The following KRABD3 variants were observed in gnomAD, a reference collection of about 807,000 sequenced individuals.
KRABD3 encodes KRAB domain containing 3.
the KRABD3 span, chr7:149,715,267 T>G: frequency 8.2e-7 from 1 of 1,220,700 alleles, no homozygotes; most frequent in Non-Finnish European, 1.0e-6. Context: ...CACGGCCCAG[T>G]CTCCACCTGG....
chr7:149,728,501 T>C, the KRABD3 span: 1 of 1,611,310 alleles, frequency 6.2e-7, no homozygotes, highest in Non-Finnish European at 8.5e-7. Flanking sequence ...CCCCCTCATC[T>C]GTGAATGTTT....
the KRABD3 span, chr7:149,720,823 G>T: frequency 3.2e-6 from 5 of 1,574,158 alleles, no homozygotes; most frequent in African/African-American, 1.3e-5. Context: ...GGTCACTGTG[G>T]CCTCTCTGCA....
chr7:149,715,067 G>C, the KRABD3 span: 1 of 1,230,570 alleles, frequency 8.1e-7, no homozygotes, highest in East Asian at 3.2e-5. Context: ...GGCGCGCCAG[G>C]TAAGGCAGGC....
At chr7:149,725,257 T>C in the KRABD3 span, 59 of 1,483,782 alleles carry the variant, frequency 4.0e-5, no homozygotes, top group Non-Finnish European at 5.1e-5. Flanking sequence ...GCCAGGGGTC[T>C]GATGGGCAAG....
chr7:149,724,846 C>T, the KRABD3 span: 3 of 1,574,316 alleles, frequency 1.9e-6, no homozygotes, highest in East Asian at 2.3e-5. Context: ...CCCTGAGGCT[C>T]AAGGTGAGGC....
chr7:149,731,483 C>CCA, the KRABD3 span, among the ~76,000 whole-genome samples: 17 of 152,202 alleles, frequency 1.1e-4, no homozygotes, highest in Non-Finnish European at 2.1e-4. Context: ...GGCAGGAACA[C>CCA]CACACACACA....
chr7:149,729,391 G>A, the KRABD3 span: 21 of 1,417,764 alleles, frequency 1.5e-5, no homozygotes, highest in Admixed American at 2.8e-5. Context: ...ACCTGCCCTC[G>A]GTACTGACAG....
the KRABD3 span, chr7:149,733,728 G>A: frequency 6.3e-7 from 1 of 1,582,170 alleles, no homozygotes; most frequent in Non-Finnish European, 8.6e-7. Context: ...GAACCTCCTG[G>A]GCTCCACTGC....
At chr7:149,719,772 G>A in the KRABD3 span, 1 of 1,400,530 alleles carries the variant, frequency 7.1e-7, no homozygotes, top group South Asian at 1.4e-5. The surrounding 1 kb of genome is among the most constrained non-coding windows in gnomAD (Gnocchi z 5.6). Context: ...TTCCACCTGA[G>A]AAATGAACAC....
the KRABD3 span, chr7:149,733,526 C>T: frequency 1.9e-6 from 3 of 1,595,108 alleles, no homozygotes; most frequent in Non-Finnish European, 2.6e-6. Flanking sequence ...GTGGACCCTC[C>T]CACGGGGACC....
the KRABD3 span, chr7:149,730,691 G>GAT: frequency 7.9e-7 from 1 of 1,263,626 alleles, no homozygotes; most frequent in Non-Finnish European, 1.1e-6. Flanking sequence ...CTGCACATTG[G>GAT]CCGTGCTTTA....
chr7:149,714,993 C>G, the KRABD3 span: 1 of 1,206,948 alleles, frequency 8.3e-7, no homozygotes, highest in Non-Finnish European at 1.0e-6. Context: ...ACGAGGGTCG[C>G]GTGCGCCCGC....
the KRABD3 span, chr7:149,721,140 C>A: frequency 1.7e-6 from 2 of 1,189,760 alleles, no homozygotes; most frequent in Non-Finnish European, 2.3e-6. Flanking sequence ...CCGTGTGCCG[C>A]CCTCTGAGCA....
At chr7:149,726,138 C>G in the KRABD3 span, 1 of 1,326,384 alleles carries the variant, frequency 7.5e-7, no homozygotes, top group South Asian at 1.4e-5. Flanking sequence ...TCTGGCTTGA[C>G]TGGGTCAGAC....
At chr7:149,733,840 C>A in the KRABD3 span, 1 of 1,602,262 alleles carries the variant, frequency 6.2e-7, no homozygotes, top group East Asian at 2.3e-5. Context: ...GCCCCCTTCC[C>A]CCTTTAGTGC....
the KRABD3 span, chr7:149,730,357 G>T: frequency 6.5e-7 from 1 of 1,545,842 alleles, no homozygotes; most frequent in Non-Finnish European, 8.8e-7. Context: ...CCTGTGCGGA[G>T]AGGGAGGATA....
the KRABD3 span, chr7:149,729,208 G>A: frequency 1.3e-6 from 2 of 1,567,780 alleles, no homozygotes; most frequent in East Asian, 2.3e-5. Flanking sequence ...TGAGGCCTGC[G>A]AGTCAGCCCG....
the KRABD3 span, chr7:149,720,106 G>T: frequency 6.4e-7 from 1 of 1,552,626 alleles, no homozygotes; most frequent in East Asian, 2.4e-5. Context: ...GCAGGAGCCT[G>T]CTGGTTGTGG....
the KRABD3 span, among the ~76,000 whole-genome samples, chr7:149,715,922 T>G: frequency 6.6e-6 from 1 of 152,298 alleles, no homozygotes; most frequent in Non-Finnish European, 1.5e-5. Context: ...TCCTAAGGCC[T>G]CCTCATACCA....
Sources: gnomAD v4.1 joint callset for allele counts (sites outside exome capture counted in the v4.1 genomes callset) on GRCh38, gnomAD v4.1.1 for gene constraint, Gnocchi (gnomAD v3.1) non-coding constraint, MANE v1.5 for transcripts, NCBI Gene and HGNC (gene_info 2026-07-23, HGNC 2026-07-21) for gene names.